ADAMTSL3: variants seen among roughly 807,000 people sequenced by gnomAD.
ADAMTSL3 encodes the protein ADAMTS-like protein 3.
In ADAMTSL3, 128 loss-of-function variants were observed where a neutral mutation model predicts 201.7. The ratio of observed to expected loss-of-function variants is 0.63; its 90% confidence interval spans 0.55 to 0.73. The LOEUF (loss-of-function observed/expected upper bound fraction) is 0.73. Among genes scored for constraint, ADAMTSL3 ranks in the 30% least tolerant of loss-of-function variants. The pLI is 0.00. For missense variants in ADAMTSL3, 1,990 were observed against 2,119.6 expected (o/e 0.94, Z 1.20); for synonymous variants, 738 against 748.4 (o/e 0.99, Z 0.23).
chr15:83,736,851 G>A (rs1388609784), intron 3 of ADAMTSL3, among the ~76,000 whole-genome samples: 4 of 152,050 alleles, frequency 2.6e-5, no homozygotes, highest in Non-Finnish European at 5.9e-5. Flanking sequence ...ACTTCTCCAC[G>A]ACCACTACAG....
At chr15:83,656,752 G>T (rs1427194700) in intron 2 of ADAMTSL3, among the ~76,000 whole-genome samples, 1 of 152,122 alleles carries the variant, frequency 6.6e-6, no homozygotes, top group East Asian at 1.9e-4. Context: ...CAAATACATG[G>T]CTTGGTGGCC....
intron 2 of ADAMTSL3, among the ~76,000 whole-genome samples, chr15:83,678,247 T>C (rs1427358854): frequency 6.6e-6 from 1 of 152,120 alleles, no homozygotes; most frequent in Non-Finnish European, 1.5e-5. Context: ...TGTTTCTTCC[T>C]TCCAAGAGTT....
chr15:83,821,544 A>G (rs895603199), intron 6 of ADAMTSL3, among the ~76,000 whole-genome samples: 2 of 151,148 alleles, frequency 1.3e-5, no homozygotes, highest in Admixed American at 6.6e-5. Flanking sequence ...TGTTTCAGAG[A>G]GCACAGGGTT....
chr15:83,807,443 G>A (rs576973893), intron 5 of ADAMTSL3, among the ~76,000 whole-genome samples: 39 of 152,262 alleles, frequency 2.6e-4, no homozygotes, highest in Non-Finnish European at 4.0e-4. Context: ...GTGACAGTGC[G>A]AGACTGTCTC....
intron 2 of ADAMTSL3, among the ~76,000 whole-genome samples, chr15:83,659,500 A>C (rs919257971): frequency 1.3e-5 from 2 of 152,190 alleles, no homozygotes; most frequent in African/African-American, 4.8e-5. Flanking sequence ...TGGGAATGGA[A>C]GGCCAGGTGG....
At chr15:83,740,184 G>C (rs1411358168) in intron 3 of ADAMTSL3, 8 of 217,890 alleles carry the variant, frequency 3.7e-5, no homozygotes, top group Admixed American at 3.4e-4. Flanking sequence ...AGGGCTTTAG[G>C]GTTTCTTGAT....
rs1281527891 is a variant in ADAMTSL3 at position 83,826,779 on chromosome 15, C to T, written c.600+6732C>T. ...TGCGGTGTTTGGTTTTTCGTCCTTG[C>T]GATAGTTTGCTGAGAATGATGGTTT... On this transcript the variant is annotated intron_variant, in intron 6 of 29. Coordinates refer to ENST00000286744, the MANE Select transcript of ADAMTSL3 (RefSeq NM_207517.3). 6.7e-5 allele frequency among the ~76,000 whole-genome samples: 10 copies of T among 148,700 alleles called. No homozygotes were observed. In the East Asian group the frequency reaches 8.0e-4, roughly 12 times the overall value.
intron 6 of ADAMTSL3, among the ~76,000 whole-genome samples, chr15:83,823,954 TCTTCTTCTTCTTCTTCTTCTCCTC>T (rs1311806669): frequency 5.8e-5 from 4 of 68,444 alleles, no homozygotes; most frequent in East Asian, 5.8e-4. Flanking sequence ...TTCTTCTTCT[TCTTCTTCTTCTTCTTCTTCTCCTC>T]CTCCTCCTCC....
intron 2 of ADAMTSL3, among the ~76,000 whole-genome samples, chr15:83,666,614 G>C (rs2061251131): frequency 6.6e-6 from 1 of 152,108 alleles, no homozygotes; most frequent in Non-Finnish European, 1.5e-5. Context: ...GAGGTGGAAG[G>C]GTTGCTTGAC....
Position 83,655,840 on chromosome 15 carries a change from T to A in ADAMTSL3, c.69+10T>A. 6.2e-7 allele frequency: 1 copy of A among 1,613,032 alleles called. No individual in the cohort carries two copies. Among genetic ancestry groups the A allele is most frequent in the Non-Finnish European group, 8.5e-7 (1 of 1,179,292 alleles). On this transcript the variant is annotated intron_variant, in intron 2 of 29. Coordinates refer to ENST00000286744, the MANE Select transcript of ADAMTSL3 (RefSeq NM_207517.3). ...CTCTCCCCTCCCGCAGGTAAGGTCA[T>A]ATAGGGAGGGGAAGGGAAATGGTGG...
chr15:83,891,333 G>A lies in ADAMTSL3; in HGVS notation c.1216G>A (p.Gly406Arg), dbSNP rs867148343. The change falls in exon 12 of 30, where the codon GGA (glycine) becomes AGA (arginine). Residue 406 changes from glycine (G) to arginine (R), a missense_variant. Transcript: ENST00000286744. ...TCACAATGATTTCATTTGTAGTGAT[G>A]GATTTAAAGAGATAATGCCCTATGA... The part of the protein sequence containing the change: ...CSMDPCPSSD[G>R]FKEIMPYDHF... The A allele has an allele frequency of 6.2e-7, 1 of 1,607,754 alleles. No homozygotes were observed. The highest frequency in any genetic ancestry group is 8.5e-7 in the Non-Finnish European group (1 of 1,174,544).
rs1004537781 is a variant in ADAMTSL3, at chr15:83,982,512, A to G, written c.2884A>G (p.Thr962Ala). The G allele has an allele frequency of 1.9e-6, 3 of 1,614,076 alleles. No individual in the cohort carries two copies. The highest frequency in any genetic ancestry group is 2.7e-5 in the African/African-American group (2 of 74,920). ...CLQNSKRLGI[T>A]KSGSLKIHGL... ...GCAGAACTCCAAACGGCTTGGCATC[A>G]CCAAGTCAGGCTCACTAAAAATCCA... The change falls in exon 21 of 30, where the codon ACC (threonine) becomes GCC (alanine). Residue 962 changes from threonine (T) to alanine (A), a missense_variant. By Grantham distance (58) the Thr-to-Ala change is moderately conservative (BLOSUM62 0). Transcript: ENST00000286744.
At chr15:83,974,490 G>A (rs9329364) in intron 20 of ADAMTSL3, among the ~76,000 whole-genome samples, 50,444 of 152,058 alleles carry the variant, frequency 0.33, 8,985 homozygotes, top group East Asian at 0.57. Flanking sequence ...ATTTAACACA[G>A]GATAAAATGT....
intron 25 of ADAMTSL3, among the ~76,000 whole-genome samples, chr15:84,019,929 A>G (rs1187764735): frequency 2.6e-5 from 4 of 151,414 alleles, no homozygotes; most frequent in Admixed American, 1.3e-4. Context: ...AATACACAAG[A>G]GTACATATTA....
intron 3 of ADAMTSL3, among the ~76,000 whole-genome samples, chr15:83,729,055 T>C (rs745442596): frequency 2.6e-5 from 4 of 152,062 alleles, no homozygotes; most frequent in African/African-American, 7.2e-5. Context: ...TTCTTCTCTT[T>C]CAGCAGTTTA....
Position 83,677,227 on chromosome 15 carries a change from C to T in ADAMTSL3, c.69+21397C>T, listed in dbSNP as rs369282743. Among the ~76,000 whole-genome samples, 12 of 151,618 alleles carry T rather than the reference C, an allele frequency of 7.9e-5. No homozygotes were observed. In the East Asian group the frequency reaches 2.3e-3, roughly 29 times the overall value. On this transcript the variant is annotated intron_variant, in intron 2 of 29. Transcript: ENST00000286744. ...TTTTGGTGAATGTTCCATGGGCACT[C>T]TTGAAAAAAATGTGTATTCTGCTGT... is the stretch of plus-strand genomic sequence containing the variant.
chr15:83,948,928 A>C (rs2066709131), intron 19 of ADAMTSL3, among the ~76,000 whole-genome samples: 1 of 152,100 alleles, frequency 6.6e-6, no homozygotes, highest in South Asian at 2.1e-4. Flanking sequence ...AGATACTTTG[A>C]AACAGTTATG....
intron 3 of ADAMTSL3, among the ~76,000 whole-genome samples, chr15:83,708,007 C>T (rs1051687756): frequency 1.3e-5 from 2 of 152,200 alleles, no homozygotes; most frequent in African/African-American, 4.8e-5. Flanking sequence ...ATGCCAGCAG[C>T]CACCGGCATT....
At chr15:83,881,891 C>T (rs780799002) in intron 9 of ADAMTSL3, among the ~76,000 whole-genome samples, 29 of 148,614 alleles carry the variant, frequency 2.0e-4, no homozygotes, top group Admixed American at 6.0e-4. Context: ...CGATGGCTCA[C>T]GCCTGTAATC....
Sources: gnomAD v4.1 joint callset for allele counts (sites outside exome capture counted in the v4.1 genomes callset) on GRCh38, gnomAD v4.1.1 for gene constraint, MANE v1.5 for transcripts, NCBI Gene and HGNC (gene_info 2026-07-23, HGNC 2026-07-21) for gene names.